Variants in FAM171A1 observed in about 807,000 individuals in gnomAD.
The protein encoded by FAM171A1 is protein FAM171A1.
In FAM171A1, 23 loss-of-function variants were observed where a neutral mutation model predicts 74.9. That is an observed-to-expected ratio of 0.31 (90% CI 0.22 to 0.44). The LOEUF (loss-of-function observed/expected upper bound fraction) is 0.44, where lower values mean the gene tolerates loss of function less well. FAM171A1 is among the 20% of genes least tolerant of loss of function. The pLI, the probability that FAM171A1 is intolerant of heterozygous loss-of-function variation, is 1.00. For missense variants in FAM171A1, 1,162 were observed against 1,159.2 expected (o/e 1.00, Z -0.03); for synonymous variants, 527 against 505.7 (o/e 1.04, Z -0.57).
intron 1 of FAM171A1, among the ~76,000 whole-genome samples, chr10:15,338,876 G>C (rs889305706): frequency 2.0e-5 from 3 of 152,176 alleles, no homozygotes; most frequent in African/African-American, 7.2e-5. Flanking sequence ...AAGTAGCTGG[G>C]ATCACAGGCA....
intron 1 of FAM171A1, among the ~76,000 whole-genome samples, chr10:15,317,846 A>T (rs1835441139): frequency 6.6e-6 from 1 of 152,034 alleles, no homozygotes; most frequent in Admixed American, 6.6e-5. Flanking sequence ...GCTGGAGTGC[A>T]GTGGCACGAT....
At position 15,289,681 on chromosome 10, in the gene FAM171A1, G is replaced by A. The variant is rs186054753; in HGVS notation, c.98-5576C>T. On this transcript the variant is annotated intron_variant, in intron 1 of 7. Transcript: ENST00000378116. ...TCTCCCTGTCTCCCTCAAACCCTTC[G>A]ATGCGTCCCCACTGTCACCTGTACC... 4.6e-5 allele frequency among the ~76,000 whole-genome samples: 7 copies of A among 152,268 alleles called. No individual in the cohort carries two copies. The East Asian group carries it at 1.4e-3, about 29-fold the overall frequency.
chr10:15,263,875 CTAT>C (rs1254038449), intron 3 of FAM171A1, among the ~76,000 whole-genome samples: 1 of 151,104 alleles, frequency 6.6e-6, no homozygotes, highest in Non-Finnish European at 1.5e-5. Flanking sequence ...ATCTATCTAT[CTAT>C]CTATCTATCT....
intron 5 of FAM171A1, among the ~76,000 whole-genome samples, chr10:15,235,522 G>A (rs931511712): frequency 5.3e-5 from 8 of 152,038 alleles, no homozygotes; most frequent in African/African-American, 1.7e-4. Context: ...AAACTGAACT[G>A]TAAAACTTCC....
chr10:15,354,781 C>T (rs776150015), intron 1 of FAM171A1, among the ~76,000 whole-genome samples: 3 of 152,108 alleles, frequency 2.0e-5, no homozygotes, highest in African/African-American at 4.8e-5. Flanking sequence ...TGTCAACAGA[C>T]GATAGGTGAA....
chr10:15,265,895 T>A (rs1244428018), intron 3 of FAM171A1, among the ~76,000 whole-genome samples: 1 of 152,028 alleles, frequency 6.6e-6, no homozygotes, highest in Non-Finnish European at 1.5e-5. Flanking sequence ...TCTGCTGCAT[T>A]TGGTTACTGA....
At chr10:15,318,571 T>G (rs1835449831) in intron 1 of FAM171A1, among the ~76,000 whole-genome samples, 1 of 152,204 alleles carries the variant, frequency 6.6e-6, no homozygotes, top group African/African-American at 2.4e-5. Flanking sequence ...CCCTACCAAA[T>G]GCCGGAGCTG....
chr10:15,217,836 TTGGCCAGGC>T (rs1443643001), intron 6 of FAM171A1, among the ~76,000 whole-genome samples: 2 of 151,938 alleles, frequency 1.3e-5, no homozygotes, highest in Admixed American at 6.6e-5. Context: ...TTTCACCATC[TTGGCCAGGC>T]TGGTCTTGAA....
intron 1 of FAM171A1, among the ~76,000 whole-genome samples, chr10:15,303,921 T>C (rs1835263231): frequency 6.6e-6 from 1 of 152,210 alleles, no homozygotes; most frequent in African/African-American, 2.4e-5. Context: ...GGATGGCCCA[T>C]TGCTGACCTG....
intron 5 of FAM171A1, among the ~76,000 whole-genome samples, chr10:15,228,335 TA>T (rs147213277): frequency 2.6e-5 from 3 of 116,472 alleles, no homozygotes; most frequent in African/African-American, 3.9e-5. Flanking sequence ...AAAGTGGGAG[TA>T]TTTTTTTTTT....
At chr10:15,238,468 T>C (rs1490871404) in intron 5 of FAM171A1, among the ~76,000 whole-genome samples, 2 of 152,192 alleles carry the variant, frequency 1.3e-5, no homozygotes, top group African/African-American at 4.8e-5. Context: ...TCATTTTCTT[T>C]ACGTTGTAAA....
At chr10:15,304,402 C>T (rs946389479) in intron 1 of FAM171A1, among the ~76,000 whole-genome samples, 1 of 152,122 alleles carries the variant, frequency 6.6e-6, no homozygotes, top group African/African-American at 2.4e-5. Flanking sequence ...CCAGCCACAT[C>T]CCCTAGGGGC....
chr10:15,343,026 G>A (rs139623855), intron 1 of FAM171A1, among the ~76,000 whole-genome samples: 333 of 152,278 alleles, frequency 2.2e-3, no homozygotes, highest in Non-Finnish European at 3.9e-3. Context: ...GGCTGCAGCC[G>A]AGTGGGTCCC....
At chr10:15,356,275 G>A (rs1489894248) in intron 1 of FAM171A1, among the ~76,000 whole-genome samples, 1 of 150,898 alleles carries the variant, frequency 6.6e-6, no homozygotes, top group East Asian at 1.9e-4. Context: ...CCCTCAAAAT[G>A]GCTAAAATTT....
intron 1 of FAM171A1, among the ~76,000 whole-genome samples, chr10:15,354,170 C>T (rs1455984148): frequency 6.6e-6 from 1 of 152,094 alleles, no homozygotes; most frequent in African/African-American, 2.4e-5. Context: ...TCCCTCCCCA[C>T]CTCTGAAGTG....
chr10:15,260,535 C>G (rs900358370), intron 3 of FAM171A1, among the ~76,000 whole-genome samples: 3 of 152,166 alleles, frequency 2.0e-5, no homozygotes, highest in African/African-American at 7.2e-5. Context: ...CCTGGATAAG[C>G]ACTGCTTTCC....
chr10:15,266,968 C>A (rs775795154), intron 3 of FAM171A1, among the ~76,000 whole-genome samples: 3 of 151,836 alleles, frequency 2.0e-5, no homozygotes, highest in African/African-American at 4.8e-5. Flanking sequence ...TAGGCCAAGG[C>A]GAGCCAGGAA....
chr10:15,279,233 C>T (rs1834935350), intron 2 of FAM171A1, among the ~76,000 whole-genome samples: 1 of 152,232 alleles, frequency 6.6e-6, no homozygotes, highest in South Asian at 2.1e-4. Flanking sequence ...AAGGCAGCTG[C>T]TCTGGCAAAT....
At chr10:15,243,874 CTG>C (rs1834395745) in intron 5 of FAM171A1, among the ~76,000 whole-genome samples, 8 of 152,080 alleles carry the variant, frequency 5.3e-5, no homozygotes, top group African/African-American at 1.9e-4. Flanking sequence ...TCTCAGCCTC[CTG>C]AGTAGCTGGG....
Sources: gnomAD v4.1 joint callset for allele counts (sites outside exome capture counted in the v4.1 genomes callset) on GRCh38, gnomAD v4.1.1 for gene constraint, MANE v1.5 for transcripts, NCBI Gene and HGNC (gene_info 2026-07-23, HGNC 2026-07-21) for gene names.